The following FARS2 variants were observed in gnomAD, a reference collection of about 807,000 sequenced individuals.
The protein encoded by FARS2 is phenylalanine--tRNA ligase, mitochondrial.
In FARS2, 40 loss-of-function variants were observed where a neutral mutation model predicts 46.4. The ratio of observed to expected loss-of-function variants is 0.86; its 90% CI spans 0.67 to 1.12. The LOEUF (loss-of-function observed/expected upper bound fraction) is 1.12, where lower values mean the gene tolerates loss of function less well. FARS2 is among the 50% of genes most tolerant of loss of function. The pLI, the probability that FARS2 is intolerant of heterozygous loss-of-function variation, is 0.00. For synonymous variants in FARS2, 234 were observed against 214.9 expected (o/e 1.09, Z -0.78); for missense variants, 513 against 567.9 (o/e 0.90, Z 0.98).
chr6:5,685,536 C>A (rs1453860120), intron 6 of FARS2, among the ~76,000 whole-genome samples: 2 of 152,198 alleles, frequency 1.3e-5, no homozygotes, highest in Non-Finnish European at 2.9e-5. Flanking sequence ...TGAGGGGTGT[C>A]CTCAGGACCT....
At chr6:5,574,168 G>A (rs1772823214) in intron 5 of FARS2, among the ~76,000 whole-genome samples, 1 of 152,128 alleles carries the variant, frequency 6.6e-6, no homozygotes, top group South Asian at 2.1e-4. Flanking sequence ...GTCTCACTCT[G>A]TCATCCAGGC....
At chr6:5,632,912 C>T (rs531560638) in intron 6 of FARS2, among the ~76,000 whole-genome samples, 1 of 151,938 alleles carries the variant, frequency 6.6e-6, no homozygotes, top group Non-Finnish European at 1.5e-5. Flanking sequence ...TCATTGCCTC[C>T]TAACCTCTCG....
intron 4 of FARS2, among the ~76,000 whole-genome samples, chr6:5,459,969 C>T (rs1180134598): frequency 6.6e-6 from 1 of 152,196 alleles, no homozygotes; most frequent in Non-Finnish European, 1.5e-5. Flanking sequence ...GCCATGTCTT[C>T]CCTACCCTAA....
At chr6:5,265,148 C>A (rs943272067) in intron 1 of FARS2, among the ~76,000 whole-genome samples, 1 of 152,060 alleles carries the variant, frequency 6.6e-6, no homozygotes, top group African/African-American at 2.4e-5. Context: ...TTAGTAAACG[C>A]TAAAGGAATA....
chr6:5,524,793 C>T (rs1042342986), intron 4 of FARS2, among the ~76,000 whole-genome samples: 12 of 152,200 alleles, frequency 7.9e-5, no homozygotes, highest in African/African-American at 2.7e-4. Flanking sequence ...GCTGCAGGGT[C>T]TGTGCTCTTA....
chr6:5,333,412 T>G (rs905747958), intron 1 of FARS2, among the ~76,000 whole-genome samples: 5 of 152,196 alleles, frequency 3.3e-5, no homozygotes, highest in African/African-American at 1.2e-4. Context: ...CAAAACTCCT[T>G]TATTTTGCTG....
chr6:5,637,199 G>A (rs1343366536), intron 6 of FARS2, among the ~76,000 whole-genome samples: 2 of 152,200 alleles, frequency 1.3e-5, no homozygotes, highest in African/African-American at 2.4e-5. Context: ...CAAGTCAGAC[G>A]AGGCTCTCCA....
At chr6:5,576,244 T>A (rs1334042360) in intron 5 of FARS2, among the ~76,000 whole-genome samples, 4 of 152,078 alleles carry the variant, frequency 2.6e-5, no homozygotes, top group Admixed American at 6.6e-5. Flanking sequence ...CAAAGGAGAT[T>A]AACATTTGAG....
In FARS2 at chr6:5,504,437, T is replaced by TA. The variant is rs143444280; in HGVS notation, c.905-40722dup. Among the ~76,000 whole-genome samples, 234 of 126,440 alleles carry TA rather than the reference T, an allele frequency of 1.9e-3. No individual in the cohort carries two copies. The East Asian group carries it at 0.022, about 12-fold the overall frequency. The allele number at this position is 126,440 out of a possible 152,430, so 82.9% of individuals were successfully genotyped here. A position where few individuals can be genotyped will look rare whatever the true frequency, so the allele number is the denominator to read the frequency against. ...GGAATGAAATATTTATGCTTTCCAG[T>TA]AAAAAAAAAAAAAAAAAAAAAGAAT... On this transcript the variant is annotated intron_variant, in intron 4 of 6. Transcript: ENST00000274680.
intron 5 of FARS2, among the ~76,000 whole-genome samples, chr6:5,549,490 T>C (rs183993863): frequency 7.4e-4 from 113 of 152,288 alleles, no homozygotes; most frequent in Admixed American, 2.3e-3. Flanking sequence ...CCATCCTCAG[T>C]CCTTGGATCA....
At chr6:5,378,039 G>A (rs963417092) in intron 2 of FARS2, among the ~76,000 whole-genome samples, 4 of 152,028 alleles carry the variant, frequency 2.6e-5, no homozygotes, top group African/African-American at 4.8e-5. Context: ...AAATCTTTTC[G>A]GAAAAGAGGA....
At chr6:5,543,989 T>C (rs1469615715) in intron 4 of FARS2, among the ~76,000 whole-genome samples, 1 of 151,990 alleles carries the variant, frequency 6.6e-6, no homozygotes, top group Non-Finnish European at 1.5e-5. Flanking sequence ...TATGGATTGA[T>C]AGGGTCCCCT....
intron 5 of FARS2, among the ~76,000 whole-genome samples, chr6:5,584,870 G>C (rs964826953): frequency 1.3e-5 from 2 of 152,154 alleles, no homozygotes; most frequent in East Asian, 3.9e-4. Context: ...AGAGTGGGGA[G>C]ATATCGATGG....
intron 5 of FARS2, among the ~76,000 whole-genome samples, chr6:5,602,319 G>A (rs1774567277): frequency 6.6e-6 from 1 of 152,090 alleles, no homozygotes. Flanking sequence ...CAGATTCATG[G>A]GAGCTGAAGA....
intron 1 of FARS2, among the ~76,000 whole-genome samples, chr6:5,347,854 A>G (rs1757335829): frequency 6.6e-6 from 1 of 152,202 alleles, no homozygotes; most frequent in South Asian, 2.1e-4. Flanking sequence ...TGGAACAACA[A>G]CAAGAACAAT....
At chr6:5,422,594 C>G (rs933681292) in intron 3 of FARS2, among the ~76,000 whole-genome samples, 1 of 152,118 alleles carries the variant, frequency 6.6e-6, no homozygotes, top group Non-Finnish European at 1.5e-5. Flanking sequence ...AGATTAGATA[C>G]GTGAGCTGTT....
chr6:5,538,369 G>C (rs1416437620), intron 4 of FARS2, among the ~76,000 whole-genome samples: 1 of 152,008 alleles, frequency 6.6e-6, no homozygotes, highest in Non-Finnish European at 1.5e-5. Context: ...GAGATAATCA[G>C]GGCAAAGAGG....
intron 5 of FARS2, among the ~76,000 whole-genome samples, chr6:5,578,838 A>C (rs6927153): frequency 7.5e-4 from 113 of 151,098 alleles, no homozygotes; most frequent in African/African-American, 2.5e-3. Flanking sequence ...AAAAAACAAA[A>C]AAAAAAGAAA....
chr6:5,615,730 A>G (rs1483933731), intron 6 of FARS2, among the ~76,000 whole-genome samples: 1 of 151,952 alleles, frequency 6.6e-6, no homozygotes, highest in Non-Finnish European at 1.5e-5. Context: ...TGGACCAGCT[A>G]TTTGCACAAG....
Sources: gnomAD v4.1 joint callset for allele counts (sites outside exome capture counted in the v4.1 genomes callset) on GRCh38, gnomAD v4.1.1 for gene constraint, MANE v1.5 for transcripts, NCBI Gene and HGNC (gene_info 2026-07-23, HGNC 2026-07-21) for gene names.